Variants in KMT2D observed in about 807,000 individuals in gnomAD.
The protein encoded by KMT2D is histone-lysine N-methyltransferase 2D.
In KMT2D, 55 loss-of-function variants were observed where a neutral mutation model predicts 512.7. The observed-to-expected ratio is 0.11, with a 90% confidence interval of 0.09 to 0.13. The LOEUF is 0.13. Among genes scored for constraint, KMT2D ranks in the 10% least tolerant of loss-of-function variants. The pLI is 1.00. For missense variants in KMT2D, 6,061 were observed against 7,127.9 expected, an observed-to-expected ratio of 0.85 and a Z score of 5.39; for synonymous variants, 2,995 against 2,904.0, an observed-to-expected ratio of 1.03 and a Z score of -1.01.
At chr12:49,047,496 C>T (rs947317384) in intron 15 of KMT2D, among the ~76,000 whole-genome samples, 1 of 147,552 alleles carries the variant, frequency 6.8e-6, no homozygotes, top group Non-Finnish European at 1.5e-5. Flanking sequence ...CGGCTCACTG[C>T]AACCTCCGCC....
chr12:49,047,551 G>C (rs539639146), intron 15 of KMT2D, among the ~76,000 whole-genome samples: 1 of 151,400 alleles, frequency 6.6e-6, no homozygotes, highest in African/African-American at 2.4e-5. Flanking sequence ...CCGAGTTGCT[G>C]AGATTACAGG....
At position 49,052,132 on chromosome 12, in the gene KMT2D, C is replaced by A. The variant is rs1264977897; in HGVS notation, c.1551G>T (p.Glu517Asp). Reference protein sequence around the residue: ...PESSPFSPLEESPLSPPEESP... With the variant: ...PESSPFSPLEDSPLSPPEESP... ...ACTCTTCCGGTGGAGACAAGGGCGA[C>A]TCCTCCAGTGGAGAAAAAGGTGATG... The change falls in exon 11 of 55, where the codon GAG becomes GAT. Residue 517 changes from glutamate to aspartate, a missense_variant. Glu to Asp is a conservative substitution (Grantham distance 45). Coordinates refer to ENST00000301067, the MANE Select transcript of KMT2D (RefSeq NM_003482.4). 10 of 1,612,966 alleles carry A rather than the reference C, an allele frequency of 6.2e-6. No homozygotes were observed. Among genetic ancestry groups the A allele is most frequent in the Non-Finnish European group, 8.5e-6 (10 of 1,179,624 alleles).
rs1942491316 is a variant in KMT2D at position 49,024,758 on chromosome 12, G to A, written c.15922-50C>T. 2 of 1,608,360 alleles carry A rather than the reference G, an allele frequency of 1.2e-6. No individual in the cohort carries two copies. The highest frequency in any genetic ancestry group is 1.7e-6 in the Non-Finnish European group (2 of 1,175,866). On this transcript the variant is annotated intron_variant, in intron 50 of 54. Transcript: ENST00000301067. The surrounding 1 kb of genome is among the most constrained non-coding windows in gnomAD (Gnocchi z 4.5). ...TTAGCCTGAGTTTTTTTGGGGTTAG[G>A]CCAAAGTTCTCAGTGCCCGCCAAGC... is the stretch of plus-strand genomic sequence containing the variant.
In KMT2D at chr12:49,027,282, G is replaced by T. The variant is rs991956504; in HGVS notation, c.14684C>A (p.Thr4895Asn). The change falls in exon 49 of 55, where the codon ACC (threonine) becomes AAC (asparagine). Residue 4895 changes from threonine to asparagine, a missense_variant. This residue lies in a region of KMT2D where 1,600 missense variants were observed against 1,754.9 expected (regional missense o/e 0.91). Coordinates refer to ENST00000301067, the MANE Select transcript of KMT2D (RefSeq NM_003482.4). ...CACATCCAGATTGGAGACATTGTAG[G>T]TATAGCTGTGCTGAGTGGGTGGCTC... is the stretch of plus-strand genomic sequence containing the variant. ...APEPPTQHSYTYNVSNLDVRQ... is the reference protein window; with the variant it reads ...APEPPTQHSYNYNVSNLDVRQ... The T allele has an allele frequency of 6.5e-7, 1 of 1,547,408 alleles. No individual in the cohort carries two copies. The highest frequency in any genetic ancestry group is 2.2e-5 in the East Asian group (1 of 44,484).
In KMT2D at chr12:49,024,025, T is replaced by G. The variant is rs948883927; in HGVS notation, c.16052+553A>C. ...GGTCTCAGTTTTCTCAGCTGTAAAA[T>G]GGGGGTCATACCACCTGCCCTACCT... is the stretch of plus-strand genomic sequence containing the variant. On this transcript the variant is annotated intron_variant, in intron 51 of 54. Transcript: ENST00000301067. This position sits in a 1 kb window ranked among gnomAD's most constrained non-coding sequence, Gnocchi z 4.5. 1 of 451,858 alleles carries G rather than the reference T, an allele frequency of 2.2e-6. No individual in the cohort carries two copies. Among genetic ancestry groups the G allele is most frequent in the African/African-American group, 2.0e-5 (1 of 49,698 alleles). The allele number at this position is 451,858 out of a possible 1,614,324, so 28.0% of individuals were successfully genotyped here.
At chr12:49,045,785 G>T in intron 19 of KMT2D, 135 bp downstream of exon 19, 1 of 781,694 alleles carries the variant, frequency 1.3e-6, no homozygotes, top group Non-Finnish European at 2.2e-6. Context: ...AGGTGACCTT[G>T]GGCAGGCCAC....
rs745413676 is a variant in KMT2D, at chr12:49,033,651, T to C, written c.11054A>G (p.His3685Arg). 9 of 1,613,548 alleles carry C rather than the reference T, an allele frequency of 5.6e-6. No homozygotes were observed. The highest frequency in any genetic ancestry group is 7.6e-6 in the Non-Finnish European group (9 of 1,179,874). The change falls in exon 40 of 55, where the codon CAT becomes CGT. Residue 3685 changes from histidine (H) to arginine (R), a missense_variant. By Grantham distance (29) the His-to-Arg change is conservative. Coordinates refer to ENST00000301067, the MANE Select transcript of KMT2D (RefSeq NM_003482.4). The part of the protein sequence containing the change: ...TALAQQQQQQ[H>R]SGGAGSLAGP... ...AGCCAGGGATCCAGCCCCACCAGAA[T>C]GTTGCTGTTGCTGCTGTTGGGCCAG...
chr12:49,048,119 A>G (rs757968851), intron 14 of KMT2D, 50 bp from the exon 15 acceptor site: 2 of 1,244,398 alleles, frequency 1.6e-6, no homozygotes, highest in Admixed American at 1.7e-5. Flanking sequence ...TCCCCATCCC[A>G]CTCAGATCCA....
intron 46 of KMT2D, 82 bp downstream of exon 46, chr12:49,028,746 A>C: frequency 1.3e-6 from 2 of 1,562,832 alleles, no homozygotes; most frequent in Non-Finnish European, 1.7e-6. Context: ...TTGAACGACT[A>C]CATTTTTCCT....
At position 49,051,159 on chromosome 12, in the gene KMT2D, G is replaced by A. The variant is rs1169331208; in HGVS notation, c.2524C>T (p.Leu842=). The change falls in exon 11 of 55, where the codon CTG becomes TTG. Residue 842 remains leucine, a synonymous_variant. Transcript: ENST00000301067. The part of the protein sequence containing the change: ...HLSPQSEEPC[L]SPRPEESHLS... The stretch of plus-strand genomic sequence containing the variant: ...TGCGATTCCTCAGGCCGGGGGGACA[G>A]GCATGGCTCCTCAGACTGGGGGGAC... The A allele has an allele frequency of 1.3e-6, 2 of 1,517,348 alleles. No homozygotes were observed. The highest frequency in any genetic ancestry group is 1.4e-5 in the African/African-American group (1 of 71,572). 94.0% of individuals were successfully genotyped at this position (1,517,348 alleles called of 1,614,324 possible). A position where few individuals can be genotyped will look rare whatever the true frequency, so the allele number is the denominator to read the frequency against.
rs756013978 is a variant in KMT2D at position 49,052,206 on chromosome 12, G to A, written c.1477C>T (p.Pro493Ser). The A allele has an allele frequency of 6.2e-7, 1 of 1,613,476 alleles. No individual in the cohort carries two copies. Among genetic ancestry groups the A allele is most frequent in the South Asian group, 1.1e-5 (1 of 91,066 alleles). The stretch of plus-strand genomic sequence containing the variant: ...GACTCCTCAGGCGGCGGAGAGAGGG[G>A]CGATTCCTCCAGCGGCCGGGACAGG... ...LHLSRPLEES[P>S]LSPPPEESPL... Residue 493 changes from proline (P) to serine (S), a missense_variant, in exon 11 of 55, where the codon CCC becomes TCC. This residue lies in a region of KMT2D where 848 missense variants were observed against 838.5 expected (regional missense o/e 1.01). Coordinates refer to ENST00000301067, the MANE Select transcript of KMT2D (RefSeq NM_003482.4).
chr12:49,044,905 C>T lies in KMT2D; in HGVS notation c.4802G>A (p.Arg1601His), dbSNP rs749039924. ...GTGCAGTGGTGACATGGTCAGGTTACGCAGCAAGGCCATGCCAGTTTCTGT... is the reference window on the plus strand; with the variant it reads ...GTGCAGTGGTGACATGGTCAGGTTATGCAGCAAGGCCATGCCAGTTTCTGT... ...WLTETGMALL[R>H]NLTMSPLHKR... Residue 1601 changes from arginine to histidine, a missense_variant, in exon 20 of 55, where the codon CGT becomes CAT. Arg to His is a conservative substitution (Grantham distance 29). Transcript: ENST00000301067. The surrounding 1 kb of genome is among the most constrained non-coding windows in gnomAD (Gnocchi z 6.4). The T allele has an allele frequency of 4.3e-6, 7 of 1,614,038 alleles. No individual in the cohort carries two copies. The Admixed American group carries it at 5.0e-5, about 12-fold the overall frequency.
chr12:49,053,249 T>C lies in KMT2D; in HGVS notation c.912A>G (p.Lys304=). ...GAGCAGGCAGTTCCTCCATGGGTGGTTTTAGGCAGAAAGTATGGTATCCTT... is the reference window on the plus strand; with the variant it reads ...GAGCAGGCAGTTCCTCCATGGGTGGCTTTAGGCAGAAAGTATGGTATCCTT... ...CDKGYHTFCL[K]PPMEELPAHS... Residue 304 remains lysine (K), a synonymous_variant, in exon 8 of 55, where the codon AAA becomes AAG. Coordinates refer to ENST00000301067, the MANE Select transcript of KMT2D (RefSeq NM_003482.4). 6.2e-7 allele frequency: 1 copy of C among 1,613,892 alleles called. No homozygotes were observed. Among genetic ancestry groups the C allele is most frequent in the Non-Finnish European group, 8.5e-7 (1 of 1,179,848 alleles).
In KMT2D at chr12:49,037,351, T is replaced by G; in HGVS notation, c.10005A>C (p.Pro3335=). Residue 3335 remains proline (P), a synonymous_variant, in exon 35 of 55, where the codon CCA becomes CCC. Transcript: ENST00000301067. The part of the protein sequence containing the change: ...LPQPLMPTQP[P]AHALQQRLAP... ...CCAGGCGTTGCTGGAGGGCATGAGC[T>G]GGTGGCTGGGTGGGCATCAGTGGCT... 5 of 1,611,736 alleles carry G rather than the reference T, an allele frequency of 3.1e-6. No homozygotes were observed. The highest frequency in any genetic ancestry group is 3.4e-6 in the Non-Finnish European group (4 of 1,179,126).
rs587778486 is a variant in KMT2D at position 49,026,649 on chromosome 12, C to T, written c.15317G>A (p.Arg5106His). The change falls in exon 49 of 55, where the codon CGC (arginine) becomes CAC (histidine). Residue 5106 changes from arginine to histidine, a missense_variant. By Grantham distance (29) the Arg-to-His change is conservative (BLOSUM62 0). Around this residue, in one of 16 missense-constraint regions of KMT2D, gnomAD observed 261 missense variants for 440.7 expected, o/e 0.59. Coordinates refer to ENST00000301067, the MANE Select transcript of KMT2D (RefSeq NM_003482.4). This position sits in a 1 kb window ranked among gnomAD's most constrained non-coding sequence, Gnocchi z 9.6. The stretch of plus-strand genomic sequence containing the variant: ...ATGGTAGACATTGGGGCAACGCATG[C>T]GATTGCAGCTGCTGGTGGCACCAGT... Reference protein sequence around the residue: ...QRTGATSSCNRMRCPNVYHFA... With the variant: ...QRTGATSSCNHMRCPNVYHFA... 5 of 1,614,012 alleles carry T rather than the reference C, an allele frequency of 3.1e-6. No homozygotes were observed. The highest frequency in any genetic ancestry group is 2.2e-5 in the East Asian group (1 of 44,886).
rs886049469 is a variant in KMT2D, at chr12:49,021,653, G to A, written c.*127C>T. The A allele has an allele frequency of 1.0e-5, 8 of 771,512 alleles. No individual in the cohort carries two copies. In the South Asian group the frequency reaches 1.4e-4, roughly 14 times the overall value. The allele number at this position is 771,512 out of a possible 1,614,324, so 47.8% of individuals were successfully genotyped here. ...TCTGCCCCAGCCTCCTGCTCCAGGG[G>A]CTCCGGGTCAGCCGGCAGCCCCAAC... On this transcript the variant is annotated 3_prime_UTR_variant, in exon 55 of 55. Transcript: ENST00000301067.
Position 49,044,004 on chromosome 12 carries a change from G to A in KMT2D, c.5189-6C>T, listed in dbSNP as rs142433496. On this transcript the variant is annotated splice_region_variant and splice_polypyrimidine_tract_variant and intron_variant, in intron 22 of 54. Transcript: ENST00000301067. This position sits in a 1 kb window ranked among gnomAD's most constrained non-coding sequence, Gnocchi z 6.4. ...AGGCAGGTCAGCAGGTATCACTGTG[G>A]ACAGAACGGAAGTGTCAGACTCGGG... is the stretch of plus-strand genomic sequence containing the variant. 3 of 1,613,936 alleles carry A rather than the reference G, an allele frequency of 1.9e-6. No homozygotes were observed. Among genetic ancestry groups the A allele is most frequent in the Middle Eastern group, 1.7e-4 (1 of 6,054 alleles).
rs1358210489 is a variant in KMT2D at position 49,052,270 on chromosome 12, A to AGGT, written c.1410_1412dup (p.Pro471dup). ...GAAGTGGGGATGCGGGCAATTCCTC[A>AGGT]GGTGGTGGTGACAGGCGTGATGCCT... On this transcript the variant is annotated inframe_insertion, in exon 11 of 55. Transcript: ENST00000301067. 2 of 1,609,070 alleles carry AGGT rather than the reference A, an allele frequency of 1.2e-6. No homozygotes were observed. Among genetic ancestry groups the AGGT allele is most frequent in the South Asian group, 2.2e-5 (2 of 90,700 alleles).
Position 49,038,276 on chromosome 12 carries a change from G to C in KMT2D, c.9080C>G (p.Thr3027Ser), listed in dbSNP as rs1943321149. ...DVAKGDDELG[T>S]LENLETNDPH... ...GTCATTGGTCTCCAGGTTTTCTAAG[G>C]TGCCAAGTTCATCATCACCCTTGGC... Residue 3027 changes from threonine (T) to serine (S), a missense_variant, in exon 35 of 55, where the codon ACC (threonine) becomes AGC (serine). By Grantham distance (58) the Thr-to-Ser change is moderately conservative (BLOSUM62 1). Coordinates refer to ENST00000301067, the MANE Select transcript of KMT2D (RefSeq NM_003482.4). The surrounding 1 kb of genome is among the most constrained non-coding windows in gnomAD (Gnocchi z 5.7). The C allele has an allele frequency of 6.2e-7, 1 of 1,613,690 alleles. No individual in the cohort carries two copies. Among genetic ancestry groups the C allele is most frequent in the Admixed American group, 1.7e-5 (1 of 59,994 alleles).
Sources: allele counts gnomAD v4.1 joint callset (sites outside exome capture counted in the v4.1 genomes callset), GRCh38; gene constraint gnomAD v4.1.1; regional missense constraint gnomAD v4.1.1; non-coding constraint Gnocchi (gnomAD v3.1); transcripts MANE v1.5; gene names NCBI Gene and HGNC (gene_info 2026-07-23, HGNC 2026-07-21).